Variants in TRPC5 observed in about 807,000 individuals in gnomAD.
The protein encoded by TRPC5 is short transient receptor potential channel 5.
In TRPC5, 9 loss-of-function variants were observed where a neutral mutation model predicts 56.5. That is an observed-to-expected ratio of 0.16 (90% CI 0.10 to 0.28). TRPC5 has a LOEUF of 0.28. Ranked by LOEUF, TRPC5 falls within the 10% of genes least tolerant of loss-of-function variation. The pLI is 1.00. For missense variants in TRPC5, 469 were observed against 748.9 expected, an observed-to-expected ratio of 0.63 and a Z score of 4.36; for synonymous variants, 282 against 278.5, an observed-to-expected ratio of 1.01 and a Z score of -0.13.
chrX:111,792,316 G>T (rs934580291), intron 7 of TRPC5, among the ~76,000 whole-genome samples: 1 of 110,368 alleles, frequency 9.1e-6, no homozygotes, highest in East Asian at 2.9e-4. Flanking sequence ...GGGGTCGGGG[G>T]CAAGGGGAGG....
intron 2 of TRPC5, among the ~76,000 whole-genome samples, chrX:111,949,895 A>G (rs1294628867): frequency 1.8e-5 from 2 of 112,030 alleles, no homozygotes; most frequent in Admixed American, 1.9e-4. Context: ...AATTGCACAC[A>G]CATATTTATT....
chrX:112,004,181 C>A (rs1928771899), intron 1 of TRPC5, among the ~76,000 whole-genome samples: 1 of 111,792 alleles, frequency 8.9e-6, no homozygotes, highest in African/African-American at 3.3e-5. Flanking sequence ...ACCCCAGAGT[C>A]CATGTTGCAC....
chrX:112,082,164 C>T lies in TRPC5; in HGVS notation c.-307G>A, dbSNP rs1930986012. On this transcript the variant is annotated 5_prime_UTR_variant, in exon 1 of 11. Coordinates refer to ENST00000262839, the MANE Select transcript of TRPC5 (RefSeq NM_012471.3). The stretch of plus-strand genomic sequence containing the variant: ...CAGATCGGCCCTCCTCACCTTTCAC[C>T]TTCGCCAGTGCCCTGAAACTCTTTG... The T allele has an allele frequency of 9.0e-6, 1 of 111,660 alleles. No homozygotes were observed. The highest frequency in any genetic ancestry group is 9.5e-5 in the Admixed American group (1 of 10,496). The allele number at this position is 111,660 out of a possible 1,213,427, so 9.2% of individuals were successfully genotyped here. A position where few individuals can be genotyped will look rare whatever the true frequency, so the allele number is the denominator to read the frequency against.
At chrX:111,818,595 T>C (rs1055521004) in intron 7 of TRPC5, among the ~76,000 whole-genome samples, 8 of 108,594 alleles carry the variant, frequency 7.4e-5, no homozygotes, top group African/African-American at 2.7e-4. Context: ...ACTTTTCTTT[T>C]CTTTTTCTCT....
At chrX:111,939,381 C>G (rs1344055169) in intron 2 of TRPC5, among the ~76,000 whole-genome samples, 1 of 110,965 alleles carries the variant, frequency 9.0e-6, no homozygotes, top group African/African-American at 3.3e-5. Flanking sequence ...GGCTCTTTAT[C>G]TGGCTTCGGT....
At chrX:111,847,566 C>T in intron 5 of TRPC5, 130 bp from the exon 6 acceptor site, 8 of 542,643 alleles carry the variant, frequency 1.5e-5, no homozygotes, top group Non-Finnish European at 2.3e-5. Context: ...TGCAACAGGC[C>T]CCATGCATGA....
rs185204811 is a variant in TRPC5, at chrX:111,993,363, T to C, written c.-21-40922A>G. 6.2e-5 allele frequency among the ~76,000 whole-genome samples: 7 copies of C among 112,083 alleles called. No individual in the cohort carries two copies. The East Asian group carries it at 1.7e-3, about 27-fold the overall frequency. On this transcript the variant is annotated intron_variant, in intron 1 of 10. Transcript: ENST00000262839. ...TGTGAATAGTGCCACAATAAACATATGTGTGCATGTGTCTTTATAGTAGCA... is the reference window on the plus strand; with the variant it reads ...TGTGAATAGTGCCACAATAAACATACGTGTGCATGTGTCTTTATAGTAGCA...
Position 111,912,711 on chromosome X carries a change from C to G in TRPC5, c.480G>C (p.Leu160Phe). Residue 160 changes from leucine to phenylalanine, a missense_variant, in exon 3 of 11, where the codon TTG becomes TTC. This residue lies in a region of TRPC5 where 118 missense variants were observed against 167.1 expected (regional missense o/e 0.71). Coordinates refer to ENST00000262839, the MANE Select transcript of TRPC5 (RefSeq NM_012471.3). The part of the protein sequence containing the change: ...AHTNNYEIIK[L>F]LVQKRVTIPR... Reference sequence around the variant, plus strand: ...GGATAGTGACCCGTTTTTGGACAAGCAATTTGATGATTTCGTAGTTGTTGG... The same window carrying G: ...GGATAGTGACCCGTTTTTGGACAAGGAATTTGATGATTTCGTAGTTGTTGG... 1 of 1,210,129 alleles carries G rather than the reference C, an allele frequency of 8.3e-7. No individual in the cohort carries two copies. Among genetic ancestry groups the G allele is most frequent in the Non-Finnish European group, 1.1e-6 (1 of 895,440 alleles).
At chrX:111,984,043 C>A (rs1258088030) in intron 1 of TRPC5, among the ~76,000 whole-genome samples, 2 of 111,520 alleles carry the variant, frequency 1.8e-5, no homozygotes, top group African/African-American at 3.3e-5. Context: ...TCAGAAAACA[C>A]CAAGTTCATG....
At chrX:111,916,057 C>T (rs1167683950) in intron 2 of TRPC5, among the ~76,000 whole-genome samples, 4 of 111,121 alleles carry the variant, frequency 3.6e-5, no homozygotes, top group East Asian at 5.7e-4. Context: ...CCTGGGAGGT[C>T]GAGGCTGCAG....
intron 1 of TRPC5, among the ~76,000 whole-genome samples, chrX:112,020,718 A>G (rs1370288078): frequency 9.0e-6 from 1 of 111,657 alleles, no homozygotes; most frequent in African/African-American, 3.3e-5. Context: ...ACTGAATTTA[A>G]AGGTATGGCT....
In TRPC5 at chrX:111,850,074, T is replaced by C. The variant is rs984811717; in HGVS notation, c.1377+2224A>G. 1.8e-5 allele frequency among the ~76,000 whole-genome samples: 2 copies of C among 111,669 alleles called. 1 individual carries two copies. Among genetic ancestry groups the C allele is most frequent in the Admixed American group, 1.9e-4 (2 of 10,506 alleles). ...TAATAAGAATTTGAGGGGGGTGTTATTATGTCTTTAGCTAAGCACTGACTG... is the reference window on the plus strand; with the variant it reads ...TAATAAGAATTTGAGGGGGGTGTTACTATGTCTTTAGCTAAGCACTGACTG... On this transcript the variant is annotated intron_variant, in intron 5 of 10. Transcript: ENST00000262839.
At chrX:111,944,371 C>G (rs776503284) in intron 2 of TRPC5, among the ~76,000 whole-genome samples, 7 of 107,473 alleles carry the variant, frequency 6.5e-5, no homozygotes, top group Non-Finnish European at 1.3e-4. Context: ...ACAACCTGCA[C>G]TTAAACTAGG....
chrX:111,946,851 T>C (rs771529370), intron 2 of TRPC5, among the ~76,000 whole-genome samples: 4 of 112,093 alleles, frequency 3.6e-5, no homozygotes, highest in Non-Finnish European at 5.6e-5. Flanking sequence ...TAGTACAAAA[T>C]GATATGTGAT....
intron 1 of TRPC5, among the ~76,000 whole-genome samples, chrX:112,076,453 C>T (rs1930837065): frequency 1.8e-5 from 2 of 110,796 alleles, no homozygotes; most frequent in African/African-American, 6.6e-5. Flanking sequence ...TTTTTTTCAC[C>T]TACAAAATAG....
chrX:111,777,147 A>G, intron 10 of TRPC5, 145 bp from the exon 11 acceptor site: 1 of 458,879 alleles, frequency 2.2e-6, no homozygotes, highest in Non-Finnish European at 3.4e-6. Context: ...TTCAAACACA[A>G]GAAAAACATA....
chrX:111,782,806 A>AACACACACACACACACACACAC lies in TRPC5; in HGVS notation c.1897-690_1897-669dup, dbSNP rs1186498788. Among the ~76,000 whole-genome samples the AACACACACACACACACACACAC allele has an allele frequency of 9.6e-4, 88 of 92,121 alleles. 1 individual carries two copies. Among genetic ancestry groups the AACACACACACACACACACACAC allele is most frequent in the African/African-American group, 3.5e-3 (83 of 23,750 alleles). 80.0% of individuals were successfully genotyped at this position (92,121 alleles called of 115,157 possible). ...TACCCATGTAACAATCATTATAATC[A>AACACACACACACACACACACAC]ACACACACACACACACACACACACA... On this transcript the variant is annotated intron_variant, in intron 7 of 10. Transcript: ENST00000262839.
chrX:111,841,949 G>A (rs1922748689), intron 6 of TRPC5, among the ~76,000 whole-genome samples: 1 of 107,246 alleles, frequency 9.3e-6, no homozygotes, highest in Non-Finnish European at 1.9e-5. Context: ...TACCTTAGGT[G>A]ATCCACCTGC....
intron 3 of TRPC5, among the ~76,000 whole-genome samples, chrX:111,854,836 G>A (rs941403411): frequency 8.0e-5 from 9 of 111,895 alleles, no homozygotes; most frequent in South Asian, 3.7e-4. Context: ...ATTTAACTCC[G>A]TCTCTAGTCT....
Sources: allele counts gnomAD v4.1 joint callset (sites outside exome capture counted in the v4.1 genomes callset), GRCh38; gene constraint gnomAD v4.1.1; regional missense constraint gnomAD v4.1.1; transcripts MANE v1.5; gene names NCBI Gene and HGNC (gene_info 2026-07-23, HGNC 2026-07-21).